Variants in SNX5 observed in about 807,000 individuals in gnomAD.
The protein encoded by SNX5 is sorting nexin-5.
SNX5 carries 31 observed loss-of-function variants against 53.9 expected under a neutral mutation model. The ratio of observed to expected loss-of-function variants is 0.58; its 90% CI spans 0.43 to 0.78. The LOEUF (loss-of-function observed/expected upper bound fraction) is 0.78, where lower values mean the gene tolerates loss of function less well. Among genes scored for constraint, SNX5 ranks in the 30% least tolerant of loss-of-function variants. The probability of loss-of-function intolerance (pLI) is 0.00; values close to 1 mark genes in which losing one functional copy is unlikely to be tolerated. For missense variants in SNX5, 471 were observed against 478.8 expected (o/e 0.98, Z 0.15); for synonymous variants, 168 against 171.1 (o/e 0.98, Z 0.14).
At position 17,947,500 on chromosome 20, in the gene SNX5, T is replaced by G; in HGVS notation, c.1064A>C (p.Glu355Ala). 1 of 1,613,234 alleles carries G rather than the reference T, an allele frequency of 6.2e-7. No individual in the cohort carries two copies. Among genetic ancestry groups the G allele is most frequent in the South Asian group, 1.1e-5 (1 of 90,868 alleles). ...TCCTGCTCAACCTTCTTTTGCAGAT[T>G]CGGAAAGTTGTTCAAATTTCTGGCA... ...ECCQKFEQLS[E>A]SAKEELINFK... is the part of the protein sequence containing the mutation. Residue 355 changes from glutamate to alanine, a missense_variant, in exon 11 of 13, where the codon GAA (glutamate) becomes GCA (alanine). By Grantham distance (107) the Glu-to-Ala change is moderately radical. Coordinates refer to ENST00000377759, the MANE Select transcript of SNX5 (RefSeq NM_014426.4).
chr20:17,952,483 TTG>T (rs1432293440), intron 5 of SNX5, 102 bp downstream of exon 5: 1 of 1,146,384 alleles, frequency 8.7e-7, no homozygotes, highest in Admixed American at 2.7e-5. Flanking sequence ...AAGGTTTCCA[TTG>T]TGTAAGAAAT....
At chr20:17,965,394 G>C (rs898852701) in intron 1 of SNX5, among the ~76,000 whole-genome samples, 5 of 152,158 alleles carry the variant, frequency 3.3e-5, no homozygotes, top group East Asian at 1.9e-4. Context: ...CACCGAATGA[G>C]GAGTTTACAG....
chr20:17,950,015 T>A (rs1177281612), intron 8 of SNX5, 117 bp downstream of exon 8: 10 of 805,272 alleles, frequency 1.2e-5, no homozygotes, highest in Non-Finnish European at 1.6e-5. Context: ...AGACTTGTCT[T>A]ACTGAGCTTG....
Position 17,968,535 on chromosome 20 carries a change from C to A in SNX5, c.-110G>T. On this transcript the variant is annotated 5_prime_UTR_variant, in exon 1 of 13. It introduces an in-frame stop codon into an upstream open reading frame of the 5' UTR. Coordinates refer to ENST00000377759, the MANE Select transcript of SNX5 (RefSeq NM_014426.4). ...TCGGGGGCGGCCACGGCCCCGCCTC[C>A]GCCGGCCTCCCTGCCCGACGGCGGC... is the stretch of plus-strand genomic sequence containing the variant. 9.6e-7 allele frequency: 1 copy of A among 1,046,614 alleles called. No individual in the cohort carries two copies. The allele number at this position is 1,046,614 out of a possible 1,614,324, so 64.8% of individuals were successfully genotyped here. A position where few individuals can be genotyped will look rare whatever the true frequency, so the allele number is the denominator to read the frequency against.
At chr20:17,959,617 C>T (rs1184343380) in intron 1 of SNX5, among the ~76,000 whole-genome samples, 3 of 152,190 alleles carry the variant, frequency 2.0e-5, no homozygotes, top group Non-Finnish European at 4.4e-5. Flanking sequence ...AGAGTATTGG[C>T]AAAACCCCTC....
At chr20:17,942,735 A>G (rs8121298) in intron 12 of SNX5, 211,735 of 377,310 alleles carry the variant, frequency 0.56, 60,687 homozygotes, top group African/African-American at 0.67. Context: ...CCATGAAGGC[A>G]AGGGCCTTGG....
Position 17,941,756 on chromosome 20 carries a change from T to C in SNX5, c.*601A>G, listed in dbSNP as rs1170956708. The C allele has an allele frequency of 3.3e-5, 5 of 152,556 alleles. No individual in the cohort carries two copies. Among genetic ancestry groups the C allele is most frequent in the Middle Eastern group, 3.4e-3 (1 of 294 alleles). 9.5% of individuals were successfully genotyped at this position (152,556 alleles called of 1,614,324 possible). ...CTTATAAAGCAGACCACATTATTTG[T>C]TTCCATATATACCTGTAGATATTTC... On this transcript the variant is annotated 3_prime_UTR_variant, in exon 13 of 13. Transcript: ENST00000377759.
intron 11 of SNX5, chr20:17,945,384 T>C (rs1007120562): frequency 6.6e-6 from 1 of 152,210 alleles, no homozygotes; most frequent in Non-Finnish European, 1.5e-5. Context: ...AATCTCAGCA[T>C]TCCACAGAAT....
At chr20:17,942,950 G>A (rs1361548523) in intron 12 of SNX5, 160 bp downstream of exon 12, 6 of 553,486 alleles carry the variant, frequency 1.1e-5, no homozygotes, top group South Asian at 2.6e-5. Flanking sequence ...TTATAAACAA[G>A]ACTACAAATA....
intron 8 of SNX5, among the ~76,000 whole-genome samples, chr20:17,949,808 C>G (rs754782019): frequency 1.3e-5 from 2 of 152,140 alleles, no homozygotes; most frequent in Non-Finnish European, 2.9e-5. Flanking sequence ...GGCAAAATTG[C>G]AAGCACCAAT....
chr20:17,945,314 C>T (rs755554449), intron 11 of SNX5: 4 of 152,290 alleles, frequency 2.6e-5, no homozygotes, highest in African/African-American at 9.6e-5. Context: ...CTCTAGTCGT[C>T]AGCTCAGCTG....
In SNX5 at chr20:17,953,911, A is replaced by G. The variant is rs112200612; in HGVS notation, c.389+85T>C. 2.1e-3 allele frequency: 2,484 copies of G among 1,196,514 alleles called. 37 individuals carry two copies. In the African/African-American group the frequency reaches 0.034, roughly 16 times the overall value. 74.1% of individuals were successfully genotyped at this position (1,196,514 alleles called of 1,614,324 possible). ...AAACAGCTGCACTTAAAACAAAATT[A>G]AGTCAGGTTCTTCTACTTATTTTTG... On this transcript the variant is annotated intron_variant, in intron 4 of 12. Transcript: ENST00000377759.
chr20:17,954,460 A>G (rs2035320539), intron 3 of SNX5, among the ~76,000 whole-genome samples: 1 of 150,802 alleles, frequency 6.6e-6, no homozygotes, highest in African/African-American at 2.4e-5. Context: ...CAAGATTATA[A>G]AGTGTTCAGT....
intron 4 of SNX5, among the ~76,000 whole-genome samples, chr20:17,952,950 A>G (rs570026955): frequency 2.0e-5 from 3 of 152,260 alleles, no homozygotes; most frequent in African/African-American, 7.2e-5. Context: ...GGTCAAGTCC[A>G]TGAGCTCCTA....
chr20:17,945,589 G>C (rs2039476901), intron 11 of SNX5: 1 of 151,286 alleles, frequency 6.6e-6, no homozygotes, highest in African/African-American at 2.4e-5. Flanking sequence ...TAGTTTTGAA[G>C]TGTGTACGTT....
At position 17,949,113 on chromosome 20, in the gene SNX5, T is replaced by G; in HGVS notation, c.792-10A>C. 6.2e-7 allele frequency: 1 copy of G among 1,612,452 alleles called. No homozygotes were observed. Among genetic ancestry groups the G allele is most frequent in the Non-Finnish European group, 8.5e-7 (1 of 1,179,186 alleles). ...AACCTTCAATAGGTACCTGGAAATGTACATATAATTTTGGTTTAAGGTCTT... is the reference window on the plus strand; with the variant it reads ...AACCTTCAATAGGTACCTGGAAATGGACATATAATTTTGGTTTAAGGTCTT... On this transcript the variant is annotated splice_polypyrimidine_tract_variant and intron_variant, in intron 8 of 12. Coordinates refer to ENST00000377759, the MANE Select transcript of SNX5 (RefSeq NM_014426.4).
At position 17,968,584 on chromosome 20, in the gene SNX5, C is replaced by T. The variant is rs997868630; in HGVS notation, c.-159G>A. 12 of 672,176 alleles carry T rather than the reference C, an allele frequency of 1.8e-5. No individual in the cohort carries two copies. Among genetic ancestry groups the T allele is most frequent in the Admixed American group, 5.1e-5 (2 of 39,256 alleles). The allele number at this position is 672,176 out of a possible 1,614,324, so 41.6% of individuals were successfully genotyped here. A position where few individuals can be genotyped will look rare whatever the true frequency, so the allele number is the denominator to read the frequency against. On this transcript the variant is annotated 5_prime_UTR_variant, in exon 1 of 13. It removes an upstream start codon present in the reference 5' UTR. Coordinates refer to ENST00000377759, the MANE Select transcript of SNX5 (RefSeq NM_014426.4). ...GCAGGAGGCCTCCGGACTCCGCCAC[C>T]ATCCCAGCTGCCCCGGGAGCAGGCG...
Position 17,946,924 on chromosome 20 carries a change from C to T in SNX5, c.1078+562G>A, listed in dbSNP as rs1286267732. Among the ~76,000 whole-genome samples, 8 of 152,172 alleles carry T rather than the reference C, an allele frequency of 5.3e-5. No individual in the cohort carries two copies. In the East Asian group the frequency reaches 1.5e-3, roughly 29 times the overall value. On this transcript the variant is annotated intron_variant, in intron 11 of 12. Coordinates refer to ENST00000377759, the MANE Select transcript of SNX5 (RefSeq NM_014426.4). ...GTGACACCCCAATAAGGGCATATTA[C>T]TTCTATTCTGCCAGGAGCCCATAAC...
At chr20:17,952,425 A>G (rs2039583216) in intron 5 of SNX5, among the ~76,000 whole-genome samples, 162 bp downstream of exon 5, 2 of 152,210 alleles carry the variant, frequency 1.3e-5, no homozygotes, top group Admixed American at 6.5e-5. Flanking sequence ...TTCTTTAAGC[A>G]GAGTTTTACA....
Sources: allele counts gnomAD v4.1 joint callset (sites outside exome capture counted in the v4.1 genomes callset), GRCh38; gene constraint gnomAD v4.1.1; transcripts MANE v1.5; gene names NCBI Gene and HGNC (gene_info 2026-07-23, HGNC 2026-07-21).